The following ALG11 variants were observed in gnomAD, a reference collection of about 807,000 sequenced individuals.
The protein encoded by ALG11 is ALG11 alpha-1,2-mannosyltransferase, also known as GDP-Man:Man(3)GlcNAc(2)-PP-Dol alpha-1,2-mannosyltransferase.
Under a neutral mutation model 38.8 loss-of-function variants are expected in ALG11, and 26 were observed. That is an observed-to-expected ratio of 0.67 (90% CI 0.49 to 0.93). The LOEUF (loss-of-function observed/expected upper bound fraction) is 0.93. Among genes scored for constraint, ALG11 ranks in the 40% least tolerant of loss-of-function variants. ALG11 has a pLI of 0.00. For synonymous variants in ALG11, 199 were observed against 211.6 expected (o/e 0.94, Z 0.52); for missense variants, 535 against 578.8 (o/e 0.92, Z 0.78).
At chr13:52,019,284 C>T (rs1467689726) in intron 2 of ALG11, 141 bp downstream of exon 2, 5 of 756,504 alleles carry the variant, frequency 6.6e-6, no homozygotes, top group African/African-American at 1.9e-5. Flanking sequence ...TGCAGTGGCA[C>T]GATGTCGGCT....
rs113000928 is a variant in ALG11, at chr13:52,024,064, A to G, written c.334A>G (p.Ile112Val). 6 of 1,614,080 alleles carry G rather than the reference A, an allele frequency of 3.7e-6. No homozygotes were observed. Among genetic ancestry groups the G allele is most frequent in the Admixed American group, 1.7e-5 (1 of 60,000 alleles). Reference sequence around the variant, plus strand: ...CGATGTTAATGTCAACGGTCAACAGATACTAGAAGGTGCTTTCAGAAGATT... The same window carrying G: ...CGATGTTAATGTCAACGGTCAACAGGTACTAGAAGGTGCTTTCAGAAGATT... ...TGDVNVNGQQ[I>V]LEGAFRRFNI... The change falls in exon 3 of 4, where the codon ATA (isoleucine) becomes GTA (valine). Residue 112 changes from isoleucine to valine, a missense_variant. Coordinates refer to ENST00000521508, the MANE Select transcript of ALG11 (RefSeq NM_001004127.3).
Position 52,030,419 on chromosome 13 carries a change from A to AC in ALG11, c.*1833dup, listed in dbSNP as rs1374634509. The AC allele has an allele frequency of 1.9e-6, 3 of 1,614,182 alleles. No individual in the cohort carries two copies. The Admixed American group carries it at 5.0e-5, about 27-fold the overall frequency. On this transcript the variant is annotated 3_prime_UTR_variant, in exon 4 of 4. Transcript: ENST00000521508. ...GTTAGAAGGACAGCAGTCAGAGAGG[A>AC]CCCCAAATAATCGGCCTGATGCCCC...
In ALG11 at chr13:52,031,031, A is replaced by G; in HGVS notation, c.*2441A>G. On this transcript the variant is annotated 3_prime_UTR_variant, in exon 4 of 4. Transcript: ENST00000521508. ...GGATGTGGGCTACCAGTCTTCCTCA[A>G]GGTCAGACCTGCCTGTCATACAGAG... 1 of 1,614,228 alleles carries G rather than the reference A, an allele frequency of 6.2e-7. No individual in the cohort carries two copies. The highest frequency in any genetic ancestry group is 2.2e-5 in the East Asian group (1 of 44,880).
chr13:52,029,767 T>C lies in ALG11; in HGVS notation c.*1177T>C. Reference sequence around the variant, plus strand: ...AATATGACCTGGAGGCTCGCCAAGCTATGCAGGAACAGTTGGCCAAGAACA... The same window carrying C: ...AATATGACCTGGAGGCTCGCCAAGCCATGCAGGAACAGTTGGCCAAGAACA... On this transcript the variant is annotated 3_prime_UTR_variant, in exon 4 of 4. Coordinates refer to ENST00000521508, the MANE Select transcript of ALG11 (RefSeq NM_001004127.3). 1 of 1,614,142 alleles carries C rather than the reference T, an allele frequency of 6.2e-7. No homozygotes were observed. The highest frequency in any genetic ancestry group is 8.5e-7 in the Non-Finnish European group (1 of 1,180,026).
intron 3 of ALG11, 70 bp downstream of exon 3, chr13:52,025,007 A>T (rs1954227407): frequency 6.7e-7 from 1 of 1,488,016 alleles, no homozygotes; most frequent in Non-Finnish European, 9.3e-7. Context: ...TGATAAAATG[A>T]TAATACTCTG....
chr13:52,022,632 A>G (rs1040026319), intron 2 of ALG11: 1 of 152,060 alleles, frequency 6.6e-6, no homozygotes, highest in African/African-American at 2.4e-5. Context: ...TTCTGAAGAT[A>G]AAGACTCTCT....
intron 3 of ALG11, among the ~76,000 whole-genome samples, chr13:52,026,473 G>A (rs1298203053): frequency 1.3e-5 from 2 of 152,236 alleles, no homozygotes; most frequent in East Asian, 3.8e-4. Context: ...GAGCAAGACT[G>A]GAAGGGCAGT....
intron 2 of ALG11, chr13:52,023,368 C>G (rs1026264390): frequency 6.6e-6 from 1 of 152,082 alleles, no homozygotes; most frequent in Non-Finnish European, 1.5e-5. Context: ...GACTGTACTT[C>G]TAATTCAATA....
At chr13:52,013,622 C>T (rs1044041099) in intron 1 of ALG11, among the ~76,000 whole-genome samples, 3 of 152,206 alleles carry the variant, frequency 2.0e-5, no homozygotes, top group Admixed American at 2.0e-4. Flanking sequence ...GCCAGAAAAA[C>T]CTTTACATTA....
In ALG11 at chr13:52,030,373, T is replaced by C. The variant is rs1954289270; in HGVS notation, c.*1783T>C. The C allele has an allele frequency of 1.2e-6, 2 of 1,614,126 alleles. No individual in the cohort carries two copies. The highest frequency in any genetic ancestry group is 1.7e-6 in the Non-Finnish European group (2 of 1,180,018). On this transcript the variant is annotated 3_prime_UTR_variant, in exon 4 of 4. Coordinates refer to ENST00000521508, the MANE Select transcript of ALG11 (RefSeq NM_001004127.3). ...TGGGAAAAGAAGATTGTTTTCAAAA[T>C]AAGGAGCTTCCCAGACCTGTGTTAG...
intron 1 of ALG11, among the ~76,000 whole-genome samples, chr13:52,014,280 C>T (rs1255198718): frequency 6.6e-6 from 1 of 152,128 alleles, no homozygotes; most frequent in Non-Finnish European, 1.5e-5. Context: ...AAGTGTAAAT[C>T]ATTGGCACCC....
chr13:52,014,289 C>T (rs111701279), intron 1 of ALG11, among the ~76,000 whole-genome samples: 2 of 152,136 alleles, frequency 1.3e-5, no homozygotes, highest in African/African-American at 4.8e-5. Flanking sequence ...TCATTGGCAC[C>T]CTTCTTGCTA....
rs200308715 is a variant in ALG11 at position 52,024,396 on chromosome 13, C to G, written c.666C>G (p.Phe222Leu). The G allele has an allele frequency of 1.2e-4, 186 of 1,613,602 alleles. No individual in the cohort carries two copies. The highest frequency in any genetic ancestry group is 1.5e-4 in the Non-Finnish European group (177 of 1,179,614). The stretch of plus-strand genomic sequence containing the variant: ...ATATTGGATTTAATAATGCAGCCTT[C>G]ATTACCAGGAATCCTTTTCTCAGCA... ...NQNIGFNNAAFITRNPFLSKV... is the reference protein window; with the variant it reads ...NQNIGFNNAALITRNPFLSKV... Residue 222 changes from phenylalanine to leucine, a missense_variant, in exon 3 of 4, where the codon TTC becomes TTG. Physicochemically the swap from Phe to Leu is conservative, Grantham distance 22 (BLOSUM62 0). Coordinates refer to ENST00000521508, the MANE Select transcript of ALG11 (RefSeq NM_001004127.3).
At position 52,033,567 on chromosome 13, in the gene ALG11, AAAAT is replaced by A. The variant is rs1292937961; in HGVS notation, c.*4981_*4984del. Reference sequence around the variant, plus strand: ...CCATATGCCAATTAAAGAAGAAACAAAAATAAAAGTTTGTCTTGCTTGTGAAACA... The same window carrying A: ...CCATATGCCAATTAAAGAAGAAACAAAAAAGTTTGTCTTGCTTGTGAAACA... On this transcript the variant is annotated 3_prime_UTR_variant, in exon 4 of 4. Transcript: ENST00000521508. 3.0e-5 allele frequency: 5 copies of A among 167,040 alleles called. No homozygotes were observed. Among genetic ancestry groups the A allele is most frequent in the Non-Finnish European group, 7.3e-5 (5 of 68,108 alleles). 10.3% of individuals were successfully genotyped at this position (167,040 alleles called of 1,614,324 possible).
Position 52,029,702 on chromosome 13 carries a change from A to T in ALG11, c.*1112A>T, listed in dbSNP as rs149660675. The T allele has an allele frequency of 4.5e-4, 721 of 1,614,230 alleles. 1 individual carries two copies. Among genetic ancestry groups the T allele is most frequent in the Non-Finnish European group, 1.6e-4 (190 of 1,180,036 alleles). ...GGAAAGAATGAGCCTTAAGCACCAAAACAGTGGGAAATGGGCCAAGTCAAA... is the reference window on the plus strand; with the variant it reads ...GGAAAGAATGAGCCTTAAGCACCAATACAGTGGGAAATGGGCCAAGTCAAA... On this transcript the variant is annotated 3_prime_UTR_variant, in exon 4 of 4. Transcript: ENST00000521508.
At chr13:52,026,235 T>G (rs1328897920) in intron 3 of ALG11, among the ~76,000 whole-genome samples, 2 of 152,018 alleles carry the variant, frequency 1.3e-5, no homozygotes, top group African/African-American at 4.8e-5. Context: ...ACAATAGAGG[T>G]TAGCCAGGAG....
chr13:52,030,844 G>C lies in ALG11; in HGVS notation c.*2254G>C. On this transcript the variant is annotated 3_prime_UTR_variant, in exon 4 of 4. Coordinates refer to ENST00000521508, the MANE Select transcript of ALG11 (RefSeq NM_001004127.3). The stretch of plus-strand genomic sequence containing the variant: ...GCAACATCCACGCAGCAGCTCATCA[G>C]GTACAAGTGCTTCCATATCCATTTA... The C allele has an allele frequency of 6.2e-7, 1 of 1,614,206 alleles. No individual in the cohort carries two copies. Among genetic ancestry groups the C allele is most frequent in the Non-Finnish European group, 8.5e-7 (1 of 1,180,040 alleles).
chr13:52,024,608 A>G lies in ALG11; in HGVS notation c.878A>G (p.His293Arg), dbSNP rs757152270. ...CAGACATTTCTGGACATTCCCTTAC[A>G]TGAGAAAAAGATGACCCCAGGACAT... The part of the protein sequence containing the change: ...DVQTFLDIPL[H>R]EKKMTPGHLL... Residue 293 changes from histidine (H) to arginine (R), a missense_variant, in exon 3 of 4, where the codon CAT becomes CGT. By Grantham distance (29) the His-to-Arg change is conservative. Transcript: ENST00000521508. 1.9e-6 allele frequency: 3 copies of G among 1,613,932 alleles called. No individual in the cohort carries two copies. Among genetic ancestry groups the G allele is most frequent in the East Asian group, 2.2e-5 (1 of 44,878 alleles).
At position 52,031,146 on chromosome 13, in the gene ALG11, C is replaced by A; in HGVS notation, c.*2556C>A. 3 of 1,566,630 alleles carry A rather than the reference C, an allele frequency of 1.9e-6. No homozygotes were observed. Among genetic ancestry groups the A allele is most frequent in the Non-Finnish European group, 2.6e-6 (3 of 1,156,952 alleles). ...AAGTGACAGTCAGGGGCCCTGATTC[C>A]ACTTCCTTTGGTCCAGTTTTACTCT... On this transcript the variant is annotated 3_prime_UTR_variant, in exon 4 of 4. Transcript: ENST00000521508.
Sources: allele counts gnomAD v4.1 joint callset (sites outside exome capture counted in the v4.1 genomes callset), GRCh38; gene constraint gnomAD v4.1.1; transcripts MANE v1.5; gene names NCBI Gene and HGNC (gene_info 2026-07-23, HGNC 2026-07-21).